Variants in PANK2 observed in about 807,000 individuals in gnomAD.
PANK2 encodes the protein pantothenate kinase 2, mitochondrial.
Under a neutral mutation model 43.1 loss-of-function variants are expected in PANK2, and 36 were observed. The observed-to-expected ratio is 0.84, with a 90% confidence interval of 0.64 to 1.10. The LOEUF (loss-of-function observed/expected upper bound fraction) is 1.10. Ranked by LOEUF, PANK2 falls within the 50% of genes least tolerant of loss-of-function variation. The pLI is 0.00. For missense variants in PANK2, 576 were observed against 593.3 expected, an observed-to-expected ratio of 0.97 and a Z score of 0.30; for synonymous variants, 281 against 238.2, an observed-to-expected ratio of 1.18 and a Z score of -1.66.
At chr20:3,905,937 A>G (rs564747253) in intron 1 of PANK2, among the ~76,000 whole-genome samples, 1 of 150,124 alleles carries the variant, frequency 6.7e-6, no homozygotes, top group African/African-American at 2.5e-5. Flanking sequence ...GCTGGTCTTG[A>G]ACTCCTGACC....
At chr20:3,905,642 C>T (rs1270485267) in intron 1 of PANK2, among the ~76,000 whole-genome samples, 1 of 151,904 alleles carries the variant, frequency 6.6e-6, no homozygotes. Context: ...CCACCACACC[C>T]GGCCTGCTAT....
intron 1 of PANK2, among the ~76,000 whole-genome samples, chr20:3,897,334 C>T (rs1761198559): frequency 6.6e-6 from 1 of 152,086 alleles, no homozygotes; most frequent in African/African-American, 2.4e-5. Context: ...ATGTTAAGGG[C>T]TGTGAATAGA....
chr20:3,903,488 C>T (rs1473405596), intron 1 of PANK2, among the ~76,000 whole-genome samples: 2 of 106,782 alleles, frequency 1.9e-5, no homozygotes, highest in African/African-American at 7.8e-5. Context: ...TTTTTTGAGA[C>T]TGAGTTTTGC....
chr20:3,888,947 GCC>G, upstream of PANK2: 3 of 580,428 alleles, frequency 5.2e-6, no homozygotes, highest in South Asian at 2.7e-5. Context: ...ACGACCAGCG[GCC>G]AGACGCTGCG....
At chr20:3,905,815 A>G (rs1165254191) in intron 1 of PANK2, among the ~76,000 whole-genome samples, 1 of 147,666 alleles carries the variant, frequency 6.8e-6, no homozygotes, top group African/African-American at 2.5e-5. Context: ...TCCCGGGTTC[A>G]AGCAATTCTC....
chr20:3,891,991 T>G (rs911059462), intron 1 of PANK2, among the ~76,000 whole-genome samples: 1 of 152,228 alleles, frequency 6.6e-6, no homozygotes, highest in Non-Finnish European at 1.5e-5. Flanking sequence ...GGATACTGAT[T>G]GTTCTTCCTT....
chr20:3,907,624 G>A (rs2090407631), intron 1 of PANK2, among the ~76,000 whole-genome samples: 1 of 152,082 alleles, frequency 6.6e-6, no homozygotes, highest in Admixed American at 6.6e-5. Flanking sequence ...TCACAGTTGA[G>A]GCTTACGAGT....
chr20:3,909,525 C>T (rs1386363900), intron 2 of PANK2, among the ~76,000 whole-genome samples: 2 of 152,186 alleles, frequency 1.3e-5, no homozygotes, highest in African/African-American at 4.8e-5. Context: ...GCCACCGTTC[C>T]TGGCCTCAAC....
chr20:3,897,575 C>A (rs1371379020), intron 1 of PANK2, among the ~76,000 whole-genome samples: 1 of 151,990 alleles, frequency 6.6e-6, no homozygotes, highest in Admixed American at 6.6e-5. Context: ...CACCTGTAGT[C>A]CAGCTACTTG....
intron 1 of PANK2, among the ~76,000 whole-genome samples, chr20:3,902,876 C>T (rs2090323650): frequency 6.6e-6 from 1 of 151,250 alleles, no homozygotes; most frequent in East Asian, 1.9e-4. Flanking sequence ...ATTGTTTTTT[C>T]TCTTTTATAA....
intron 6 of PANK2, 29 bp from the exon 7 acceptor site, chr20:3,923,215 G>C (rs746918505): frequency 6.2e-7 from 1 of 1,612,324 alleles, no homozygotes. Flanking sequence ...AAGGAAAATT[G>C]CACTTATTTT....
At chr20:3,902,444 A>G (rs766419743) in intron 1 of PANK2, among the ~76,000 whole-genome samples, 10 of 151,588 alleles carry the variant, frequency 6.6e-5, no homozygotes, top group Non-Finnish European at 1.5e-4. Context: ...ATTTCCAGCC[A>G]ATTTTTGTAT....
chr20:3,890,268 T>C (rs1161651217), intron 1 of PANK2, among the ~76,000 whole-genome samples: 1 of 152,198 alleles, frequency 6.6e-6, no homozygotes, highest in Non-Finnish European at 1.5e-5. Flanking sequence ...CTCGTGAGAA[T>C]CCAGGTCATC....
At chr20:3,896,366 C>G (rs1365508005) in intron 1 of PANK2, among the ~76,000 whole-genome samples, 1 of 151,828 alleles carries the variant, frequency 6.6e-6, no homozygotes, top group African/African-American at 2.4e-5. Context: ...GCGTGAGCCA[C>G]CATGCCCAGC....
At chr20:3,901,569 A>G (rs1469352412) in intron 1 of PANK2, 9 of 975,902 alleles carry the variant, frequency 9.2e-6, no homozygotes, top group Non-Finnish European at 1.1e-5. Context: ...GCTTGCTTTC[A>G]TTTCCTTCTC....
At position 3,925,431 on chromosome 20, in the gene PANK2, A is replaced by G. The variant is rs241597; in HGVS notation, c.*2137A>G. On this transcript the variant is annotated 3_prime_UTR_variant, in exon 7 of 7. Coordinates refer to ENST00000610179, the MANE Select transcript of PANK2 (RefSeq NM_001386393.1). ...ATATTTTTAGTAGAGATGGGGTTTC[A>G]CCATGATGGCCAGGCTGGTCTCGAA... 16,206 of 152,354 alleles carry G rather than the reference A, an allele frequency of 0.11. 1,197 individuals carry two copies. Among genetic ancestry groups the G allele is most frequent in the South Asian group, 0.24 (1,171 of 4,830 alleles). 9.4% of individuals were successfully genotyped at this position (152,354 alleles called of 1,614,324 possible).
chr20:3,924,695 T>G lies in PANK2; in HGVS notation c.*1401T>G, dbSNP rs1429019373. 6 of 153,060 alleles carry G rather than the reference T, an allele frequency of 3.9e-5. No homozygotes were observed. Among genetic ancestry groups the G allele is most frequent in the Non-Finnish European group, 8.7e-5 (6 of 68,690 alleles). The allele number at this position is 153,060 out of a possible 1,614,324, so 9.5% of individuals were successfully genotyped here. A position where few individuals can be genotyped will look rare whatever the true frequency, so the allele number is the denominator to read the frequency against. ...CTGCTGTTTGCAGGCTCCTGGCCTATACTACCTCTGACGCCCTGATCCTGA... is the reference window on the plus strand; with the variant it reads ...CTGCTGTTTGCAGGCTCCTGGCCTAGACTACCTCTGACGCCCTGATCCTGA... On this transcript the variant is annotated 3_prime_UTR_variant, in exon 7 of 7. Coordinates refer to ENST00000610179, the MANE Select transcript of PANK2 (RefSeq NM_001386393.1).
chr20:3,905,930 G>C (rs1015315386), intron 1 of PANK2, among the ~76,000 whole-genome samples: 1 of 151,132 alleles, frequency 6.6e-6, no homozygotes, highest in Non-Finnish European at 1.5e-5. Context: ...TGGCCAGGCT[G>C]GTCTTGAACT....
chr20:3,916,645 G>T (rs1321605465), intron 4 of PANK2, among the ~76,000 whole-genome samples: 1 of 152,142 alleles, frequency 6.6e-6, no homozygotes. Context: ...GTGCCTTCCA[G>T]TGCATCTGAT....
Sources: allele counts gnomAD v4.1 joint callset (sites outside exome capture counted in the v4.1 genomes callset), GRCh38; gene constraint gnomAD v4.1.1; transcripts MANE v1.5; gene names NCBI Gene and HGNC (gene_info 2026-07-23, HGNC 2026-07-21).